The following SLC38A11 variants were observed in gnomAD, a reference collection of about 807,000 sequenced individuals.
The protein encoded by SLC38A11 is solute carrier family 38 member 11, also known as putative sodium-coupled neutral amino acid transporter 11.
In SLC38A11, 51 loss-of-function variants were observed where a neutral mutation model predicts 49.4. The observed-to-expected ratio is 1.03, with a 90% CI of 0.83 to 1.30. SLC38A11 has a LOEUF of 1.30. Among genes scored for constraint, SLC38A11 ranks in the 50% most tolerant of loss-of-function variants. The probability of loss-of-function intolerance (pLI) is 0.00; values close to 1 mark genes in which losing one functional copy is unlikely to be tolerated. For synonymous variants in SLC38A11, 203 were observed against 192.9 expected, an observed-to-expected ratio of 1.05 and a Z score of -0.43; for missense variants, 574 against 556.2, an observed-to-expected ratio of 1.03 and a Z score of -0.32.
At chr2:164,929,544 G>A (rs777351510) in intron 7 of SLC38A11, among the ~76,000 whole-genome samples, 17 of 152,064 alleles carry the variant, frequency 1.1e-4, no homozygotes, top group Non-Finnish European at 2.4e-4. Context: ...TGAGATTGCT[G>A]CTACCATCTT....
chr2:164,899,629 T>C (rs921697720), intron 11 of SLC38A11, among the ~76,000 whole-genome samples: 1 of 152,162 alleles, frequency 6.6e-6, no homozygotes, highest in Non-Finnish European at 1.5e-5. Context: ...TAAAATTTTA[T>C]GACAAATATT....
At chr2:164,918,671 G>A (rs1460972746) in intron 7 of SLC38A11, among the ~76,000 whole-genome samples, 1 of 152,206 alleles carries the variant, frequency 6.6e-6, no homozygotes, top group Admixed American at 6.5e-5. Context: ...AAAAGATTGT[G>A]TAAATTATTT....
In SLC38A11 at chr2:164,908,736, T is replaced by C; in HGVS notation, c.999A>G (p.Ser333=). The change falls in exon 11 of 12, where the codon TCA becomes TCG. Residue 333 remains serine, a synonymous_variant. Transcript: ENST00000685975. ...IANVFFGGNL[S]SVFHIVVTVM... ...CTGTTACAACAATGTGGAAAACCGA[T>C]GAAAGATTCCCACCAAAAAACACAT... 2 of 1,611,092 alleles carry C rather than the reference T, an allele frequency of 1.2e-6. No individual in the cohort carries two copies. Among genetic ancestry groups the C allele is most frequent in the Non-Finnish European group, 1.7e-6 (2 of 1,178,394 alleles).
chr2:164,921,543 C>A (rs1686205856), intron 7 of SLC38A11, among the ~76,000 whole-genome samples: 1 of 150,838 alleles, frequency 6.6e-6, no homozygotes, highest in African/African-American at 2.4e-5. Context: ...GTTGTCTAGG[C>A]TGGTCTTGAA....
intron 11 of SLC38A11, 115 bp from the exon 12 acceptor site, chr2:164,898,845 G>A (rs1281896504): frequency 3.5e-5 from 33 of 954,900 alleles, no homozygotes; most frequent in Middle Eastern, 4.7e-4. Flanking sequence ...CATGTGATAG[G>A]TTCAGTTGAA....
At position 164,952,698 on chromosome 2, in the gene SLC38A11, G is replaced by C. The variant is rs1688605098; in HGVS notation, c.229+9C>G. On this transcript the variant is annotated intron_variant, in intron 3 of 11. Coordinates refer to ENST00000685975, the MANE Select transcript of SLC38A11 (RefSeq NM_001351537.2). ...AGTTGCAGAAATAAGAAATTATATA[G>C]TATTTTACCTGTAACATATGAAACC... 6.3e-7 allele frequency: 1 copy of C among 1,577,518 alleles called. No homozygotes were observed. Among genetic ancestry groups the C allele is most frequent in the South Asian group, 1.1e-5 (1 of 90,110 alleles).
intron 9 of SLC38A11, among the ~76,000 whole-genome samples, chr2:164,913,386 G>C (rs1255659482): frequency 6.6e-6 from 1 of 152,022 alleles, no homozygotes; most frequent in African/African-American, 2.4e-5. Flanking sequence ...ATGTCGAGGA[G>C]AATCTAGAGT....
intron 7 of SLC38A11, among the ~76,000 whole-genome samples, chr2:164,930,942 A>G (rs1466397384): frequency 6.6e-6 from 1 of 152,136 alleles, no homozygotes; most frequent in African/African-American, 2.4e-5. Context: ...AGGGCATGCA[A>G]ATAAGTAGAG....
chr2:164,895,091 G>T lies in SLC38A11; in HGVS notation c.*3346C>A, dbSNP rs75243995. Reference sequence around the variant, plus strand: ...CTGTGGGGGTGAAGCCCAGCAATCTGTGTTTCAACAAGGCCTCCAGGTGAT... The same window carrying T: ...CTGTGGGGGTGAAGCCCAGCAATCTTTGTTTCAACAAGGCCTCCAGGTGAT... On this transcript the variant is annotated 3_prime_UTR_variant, in exon 12 of 12. Coordinates refer to ENST00000685975, the MANE Select transcript of SLC38A11 (RefSeq NM_001351537.2). Among the ~76,000 whole-genome samples the T allele has an allele frequency of 7.7e-3, 1,165 of 152,252 alleles. 13 individuals carry two copies. The highest frequency in any genetic ancestry group is 0.027 in the African/African-American group (1,131 of 41,544).
At chr2:164,938,843 T>C (rs549835084) in intron 6 of SLC38A11, among the ~76,000 whole-genome samples, 5 of 152,166 alleles carry the variant, frequency 3.3e-5, no homozygotes, top group Non-Finnish European at 7.4e-5. Context: ...ATATTTTGGG[T>C]AAAATACAAA....
At chr2:164,948,210 A>G (rs1458580360) in intron 3 of SLC38A11, among the ~76,000 whole-genome samples, 1 of 152,224 alleles carries the variant, frequency 6.6e-6, no homozygotes, top group Non-Finnish European at 1.5e-5. Flanking sequence ...ACTGTCTTAT[A>G]GAAGCTGAGT....
chr2:164,910,601 A>C (rs549754782), intron 10 of SLC38A11, among the ~76,000 whole-genome samples: 91 of 152,216 alleles, frequency 6.0e-4, no homozygotes, highest in African/African-American at 2.1e-3. Flanking sequence ...TTCCCCGTGC[A>C]GTCAGTTCCT....
At chr2:164,898,812 G>A in intron 11 of SLC38A11, 82 bp from the exon 12 acceptor site, 1 of 1,387,166 alleles carries the variant, frequency 7.2e-7, no homozygotes, top group South Asian at 1.4e-5. Flanking sequence ...TTTACAAAAT[G>A]TGTTTTTCAT....
intron 3 of SLC38A11, among the ~76,000 whole-genome samples, chr2:164,948,874 T>C (rs1212584846): frequency 6.7e-6 from 1 of 149,776 alleles, no homozygotes; most frequent in Admixed American, 6.8e-5. Context: ...GCTTCCATTT[T>C]CTCTGCTAAC....
intron 10 of SLC38A11, among the ~76,000 whole-genome samples, 155 bp from the exon 11 acceptor site, chr2:164,908,926 A>G (rs1170909211): frequency 2.6e-5 from 4 of 152,160 alleles, no homozygotes; most frequent in Admixed American, 6.6e-5. Context: ...ATATTTTCCA[A>G]ATTACTTACA....
intron 7 of SLC38A11, among the ~76,000 whole-genome samples, chr2:164,933,867 T>C (rs989658562): frequency 6.6e-6 from 1 of 152,142 alleles, no homozygotes; most frequent in Non-Finnish European, 1.5e-5. Context: ...TGCAGTAGTA[T>C]TCAAACAGAC....
chr2:164,953,962 T>A (rs1688686753), intron 2 of SLC38A11, among the ~76,000 whole-genome samples: 1 of 152,130 alleles, frequency 6.6e-6, no homozygotes, highest in African/African-American at 2.4e-5. Context: ...TTCAGTAAAT[T>A]TCCCTTGCTT....
chr2:164,928,758 C>T lies in SLC38A11; in HGVS notation c.617+8592G>A, dbSNP rs556662649. ...CCTATTTACCGCACTCTCAGATAAT[C>T]ATCTCATCTTTGAAAAAATATAGGT... is the stretch of plus-strand genomic sequence containing the variant. On this transcript the variant is annotated intron_variant, in intron 7 of 11. Transcript: ENST00000685975. Among the ~76,000 whole-genome samples, 34 of 152,138 alleles carry T rather than the reference C, an allele frequency of 2.2e-4. No individual in the cohort carries two copies. The South Asian group carries it at 6.4e-3, about 29-fold the overall frequency.
intron 7 of SLC38A11, among the ~76,000 whole-genome samples, chr2:164,916,399 A>G (rs1483152388): frequency 1.3e-5 from 2 of 152,228 alleles, no homozygotes; most frequent in South Asian, 2.1e-4. Context: ...AGAAAAATTT[A>G]GTCAGCACTA....
Sources: allele counts gnomAD v4.1 joint callset (sites outside exome capture counted in the v4.1 genomes callset), GRCh38; gene constraint gnomAD v4.1.1; transcripts MANE v1.5; gene names NCBI Gene and HGNC (gene_info 2026-07-23, HGNC 2026-07-21).